LDB2: variants seen among roughly 807,000 people sequenced by gnomAD.
LDB2 encodes LIM domain binding 2.
LDB2 carries 12 observed loss-of-function variants against 44.3 expected under a neutral mutation model. The observed-to-expected ratio is 0.27, with a 90% CI of 0.17 to 0.44. The LOEUF (loss-of-function observed/expected upper bound fraction) is 0.44. Ranked by LOEUF, LDB2 falls within the 20% of genes least tolerant of loss-of-function variation. The pLI is 1.00. For synonymous variants in LDB2, 164 were observed against 174.8 expected (o/e 0.94, Z 0.49); for missense variants, 344 against 473.5 (o/e 0.73, Z 2.54).
intron 1 of LDB2, among the ~76,000 whole-genome samples, chr4:16,786,980 C>G (rs1774572941): frequency 6.6e-6 from 1 of 152,056 alleles, no homozygotes. Flanking sequence ...TTTCCATCTC[C>G]CCTGAAGTTT....
chr4:16,604,240 C>A (rs937402404), intron 2 of LDB2, among the ~76,000 whole-genome samples: 2 of 152,062 alleles, frequency 1.3e-5, no homozygotes, highest in Non-Finnish European at 2.9e-5. Context: ...TTTAGTTATG[C>A]TAAATGGTTA....
At chr4:16,869,764 G>A (rs1430084030) in intron 1 of LDB2, among the ~76,000 whole-genome samples, 1 of 152,142 alleles carries the variant, frequency 6.6e-6, no homozygotes, top group Non-Finnish European at 1.5e-5. Flanking sequence ...TTTGGAGCTG[G>A]TCATACCAAT....
At chr4:16,797,270 G>A (rs755136729) in intron 1 of LDB2, among the ~76,000 whole-genome samples, 3 of 152,094 alleles carry the variant, frequency 2.0e-5, no homozygotes, top group Non-Finnish European at 2.9e-5. Flanking sequence ...GTAAACCCAT[G>A]CAGTTCAAAC....
At chr4:16,697,639 T>C (rs1752478584) in intron 2 of LDB2, among the ~76,000 whole-genome samples, 1 of 152,124 alleles carries the variant, frequency 6.6e-6, no homozygotes, top group Non-Finnish European at 1.5e-5. Context: ...TGCTCTTGCC[T>C]TCTCTTTGCC....
chr4:16,861,767 G>A (rs533104366), intron 1 of LDB2, among the ~76,000 whole-genome samples: 9 of 152,264 alleles, frequency 5.9e-5, no homozygotes, highest in South Asian at 2.1e-4. Context: ...ACAGACAGCC[G>A]CAGACAAACT....
chr4:16,817,217 C>A (rs895159587), intron 1 of LDB2, among the ~76,000 whole-genome samples: 1 of 152,180 alleles, frequency 6.6e-6, no homozygotes, highest in Non-Finnish European at 1.5e-5. Context: ...CTTTACGACA[C>A]TTAATCTTAC....
chr4:16,649,216 G>A (rs1324254279), intron 2 of LDB2, among the ~76,000 whole-genome samples: 2 of 152,200 alleles, frequency 1.3e-5, no homozygotes, highest in East Asian at 1.9e-4. Context: ...GTAAGCTGAA[G>A]TAAGAACTGC....
intron 5 of LDB2, among the ~76,000 whole-genome samples, chr4:16,562,959 C>G (rs932447861): frequency 6.6e-6 from 1 of 151,710 alleles, no homozygotes. Context: ...AGTAAACTAT[C>G]GCAAGGACAA....
chr4:16,561,219 G>A (rs1742075800), intron 5 of LDB2, among the ~76,000 whole-genome samples: 2 of 152,094 alleles, frequency 1.3e-5, no homozygotes, highest in South Asian at 4.2e-4. Context: ...TCTGGCCAGG[G>A]CAATTAGGCA....
intron 5 of LDB2, among the ~76,000 whole-genome samples, chr4:16,542,582 C>T (rs746080472): frequency 6.6e-5 from 10 of 152,090 alleles, no homozygotes; most frequent in Non-Finnish European, 1.2e-4. Flanking sequence ...GCCTTATAAT[C>T]GATTCAAAGA....
chr4:16,865,179 G>C lies in LDB2; in HGVS notation c.132+33175C>G, dbSNP rs115822225. 7.2e-5 allele frequency among the ~76,000 whole-genome samples: 11 copies of C among 152,244 alleles called. No individual in the cohort carries two copies. The East Asian group carries it at 9.7e-4, about 13-fold the overall frequency. On this transcript the variant is annotated intron_variant, in intron 1 of 7. Coordinates refer to ENST00000304523, the MANE Select transcript of LDB2 (RefSeq NM_001290.5). ...AGGCAAGAGAATCACTTGAAGCTTG[G>C]GGGTGGAGGTTGCAGTAAGCAGAGA... is the stretch of plus-strand genomic sequence containing the variant.
intron 1 of LDB2, among the ~76,000 whole-genome samples, chr4:16,867,394 T>C (rs1290356871): frequency 2.0e-5 from 3 of 152,174 alleles, no homozygotes; most frequent in African/African-American, 4.8e-5. Context: ...TTAAAGGCCC[T>C]GCTCAGGGCA....
intron 2 of LDB2, among the ~76,000 whole-genome samples, chr4:16,736,016 C>T (rs1027385566): frequency 6.6e-6 from 1 of 152,112 alleles, no homozygotes; most frequent in African/African-American, 2.4e-5. Context: ...CCTATAGATG[C>T]CACAGTGTCT....
intron 1 of LDB2, among the ~76,000 whole-genome samples, chr4:16,876,664 GT>G (rs879657126): frequency 4.7e-4 from 69 of 146,740 alleles, no homozygotes; most frequent in Non-Finnish European, 6.3e-4. Context: ...TTTGTGGAGG[GT>G]TTTTTTTTTA....
intron 2 of LDB2, among the ~76,000 whole-genome samples, chr4:16,739,620 ATGTGTGTG>A (rs1276146439): frequency 1.5e-5 from 1 of 68,122 alleles, no homozygotes; most frequent in Non-Finnish European, 2.8e-5. Context: ...GTATATATAC[ATGTGTGTG>A]TATATATGTA....
intron 1 of LDB2, among the ~76,000 whole-genome samples, chr4:16,871,615 CTCTT>C (rs750012579): frequency 7.9e-5 from 7 of 88,738 alleles, no homozygotes; most frequent in Non-Finnish European, 1.4e-4. Context: ...GTCAAAACCA[CTCTT>C]TCTTTTTTTT....
intron 1 of LDB2, among the ~76,000 whole-genome samples, chr4:16,813,758 T>G (rs1780345884): frequency 6.6e-6 from 1 of 152,166 alleles, no homozygotes. Flanking sequence ...CAAACTCAAT[T>G]TCATTAATTA....
At chr4:16,550,081 GA>G (rs1423002993) in intron 5 of LDB2, among the ~76,000 whole-genome samples, 1 of 152,098 alleles carries the variant, frequency 6.6e-6, no homozygotes, top group Admixed American at 6.5e-5. Flanking sequence ...ACTGGCTTTG[GA>G]ATCAAAGATC....
At chr4:16,695,388 G>C (rs1751880586) in intron 2 of LDB2, among the ~76,000 whole-genome samples, 1 of 151,732 alleles carries the variant, frequency 6.6e-6, no homozygotes, top group African/African-American at 2.4e-5. Flanking sequence ...AAATTAGCCA[G>C]GTAAGAGGCT....
Sources: allele counts gnomAD v4.1 joint callset (sites outside exome capture counted in the v4.1 genomes callset), GRCh38; gene constraint gnomAD v4.1.1; transcripts MANE v1.5; gene names NCBI Gene and HGNC (gene_info 2026-07-23, HGNC 2026-07-21).